Variants in DENND1B observed in about 807,000 individuals in gnomAD.
DENND1B encodes DENN domain-containing protein 1B.
Under a neutral mutation model 90.1 loss-of-function variants are expected in DENND1B, and 59 were observed. That is an observed-to-expected ratio of 0.65 (90% CI 0.53 to 0.81). The LOEUF (loss-of-function observed/expected upper bound fraction) is 0.81, where lower values mean the gene tolerates loss of function less well. Ranked by LOEUF, DENND1B falls within the 40% of genes least tolerant of loss-of-function variation. The pLI, the probability that DENND1B is intolerant of heterozygous loss-of-function variation, is 0.00. For synonymous variants in DENND1B, 337 were observed against 324.6 expected, an observed-to-expected ratio of 1.04 and a Z score of -0.41; for missense variants, 862 against 912.6, an observed-to-expected ratio of 0.94 and a Z score of 0.71.
intron 10 of DENND1B, among the ~76,000 whole-genome samples, chr1:197,638,102 A>C (rs920915319): frequency 6.6e-6 from 1 of 152,208 alleles, no homozygotes; most frequent in South Asian, 2.1e-4. Flanking sequence ...AGAGATCGAA[A>C]GATTTCTTTT....
At chr1:197,780,539 C>T (rs1747813), upstream of DENND1B, among the ~76,000 whole-genome samples, 129,616 of 151,828 alleles carry the variant, frequency 0.85, 55,728 homozygotes, top group African/African-American at 0.96. Context: ...TTGGTCAGGA[C>T]GGTCTCCATC....
chr1:197,721,065 ATTTTTTT>A (rs11371047), intron 2 of DENND1B, among the ~76,000 whole-genome samples: 3 of 98,970 alleles, frequency 3.0e-5, no homozygotes, highest in African/African-American at 4.1e-5. Context: ...GAGAAACGGC[ATTTTTTT>A]TTTTTTTTTT....
intron 2 of DENND1B, among the ~76,000 whole-genome samples, chr1:197,742,525 C>T (rs1056915609): frequency 6.6e-6 from 1 of 152,220 alleles, no homozygotes; most frequent in Admixed American, 6.5e-5. Context: ...CAGGCACAAA[C>T]CAGCTGGCCC....
chr1:197,681,023 T>G (rs1175786300), intron 3 of DENND1B, among the ~76,000 whole-genome samples: 2 of 152,184 alleles, frequency 1.3e-5, no homozygotes, highest in African/African-American at 4.8e-5. Context: ...ATAACTCTTG[T>G]TATATGAATT....
chr1:197,778,126 A>C (rs918974852), upstream of DENND1B, among the ~76,000 whole-genome samples: 7 of 152,330 alleles, frequency 4.6e-5, no homozygotes, highest in South Asian at 6.2e-4. Flanking sequence ...TATCTACCTA[A>C]TAAATACAAC....
At chr1:197,567,170 G>C (rs931314962) in intron 15 of DENND1B, among the ~76,000 whole-genome samples, 2 of 152,038 alleles carry the variant, frequency 1.3e-5, no homozygotes, top group Non-Finnish European at 2.9e-5. Context: ...AATTGGAAAT[G>C]GAAGAGGACA....
intron 2 of DENND1B, among the ~76,000 whole-genome samples, chr1:197,767,756 A>G (rs1655873807): frequency 1.3e-5 from 2 of 152,010 alleles, no homozygotes; most frequent in African/African-American, 4.8e-5. Context: ...CAAAGAAAAA[A>G]CTCAGTAATT....
chr1:197,669,235 T>C (rs990750680), intron 5 of DENND1B, among the ~76,000 whole-genome samples: 14 of 152,138 alleles, frequency 9.2e-5, no homozygotes, highest in Non-Finnish European at 1.8e-4. Context: ...AGGGATTCCA[T>C]GTATACTCTC....
chr1:197,726,771 A>G (rs1195051423), intron 2 of DENND1B, among the ~76,000 whole-genome samples: 1 of 152,160 alleles, frequency 6.6e-6, no homozygotes, highest in Non-Finnish European at 1.5e-5. Flanking sequence ...ATCAAGCTGG[A>G]AAAAAACTGA....
intron 7 of DENND1B, among the ~76,000 whole-genome samples, chr1:197,648,910 A>G (rs1652786444): frequency 6.6e-6 from 1 of 152,222 alleles, no homozygotes; most frequent in African/African-American, 2.4e-5. Flanking sequence ...TTTGGGTTAA[A>G]AATTCCAGGT....
intron 2 of DENND1B, among the ~76,000 whole-genome samples, chr1:197,740,981 G>C (rs1663157508): frequency 6.6e-6 from 1 of 152,064 alleles, no homozygotes; most frequent in African/African-American, 2.4e-5. Flanking sequence ...AAATTTAGTA[G>C]ATCAAAAGAT....
chr1:197,660,156 A>C (rs2125957947), intron 5 of DENND1B, among the ~76,000 whole-genome samples: 1 of 152,054 alleles, frequency 6.6e-6, no homozygotes, highest in South Asian at 2.1e-4. Flanking sequence ...GTCAATAGAA[A>C]GTTTAGATGA....
intron 14 of DENND1B, among the ~76,000 whole-genome samples, chr1:197,586,646 T>C (rs371634871): frequency 1.3e-5 from 2 of 152,212 alleles, no homozygotes; most frequent in East Asian, 3.9e-4. Context: ...AAAATCAATT[T>C]TGGCATATGT....
At chr1:197,717,073 C>G (rs190164430) in intron 2 of DENND1B, among the ~76,000 whole-genome samples, 1 of 151,720 alleles carries the variant, frequency 6.6e-6, no homozygotes, top group Non-Finnish European at 1.5e-5. Context: ...CCCTTCAGCA[C>G]GCAAAAAATT....
intron 3 of DENND1B, chr1:197,685,607 C>G (rs1572325430): frequency 6.6e-6 from 1 of 152,192 alleles, no homozygotes; most frequent in South Asian, 2.1e-4. Context: ...CAAAAATGCA[C>G]ATGCCCATTA....
rs1468063147 is a variant in DENND1B at position 197,686,982 on chromosome 1, A to G, written c.127-12813T>C. On this transcript the variant is annotated intron_variant, in intron 3 of 22. Coordinates refer to ENST00000620048, the MANE Select transcript of DENND1B (RefSeq NM_001195215.2). The stretch of plus-strand genomic sequence containing the variant: ...TTTCCTCTCTTTGCTTCAATTTCCT[A>G]TTCTGTGAAATAAAAGAGCTGTATT... Among the ~76,000 whole-genome samples, 3 of 152,178 alleles carry G rather than the reference A, an allele frequency of 2.0e-5. No homozygotes were observed. The South Asian group carries it at 6.2e-4, about 32-fold the overall frequency.
At chr1:197,779,194 G>C (rs1657371762), upstream of DENND1B, among the ~76,000 whole-genome samples, 1 of 152,050 alleles carries the variant, frequency 6.6e-6, no homozygotes, top group South Asian at 2.1e-4. Context: ...TATTTTCACT[G>C]ATGAAGAATT....
intron 3 of DENND1B, among the ~76,000 whole-genome samples, chr1:197,701,887 T>A (rs1659066978): frequency 6.6e-6 from 1 of 152,196 alleles, no homozygotes; most frequent in Admixed American, 6.5e-5. Context: ...ATAGCATTAC[T>A]TTTATAATTC....
In DENND1B at chr1:197,681,523, C is replaced by G. The variant is rs1297298056; in HGVS notation, c.127-7354G>C. Among the ~76,000 whole-genome samples the G allele has an allele frequency of 2.0e-5, 3 of 152,174 alleles. No individual in the cohort carries two copies. The East Asian group carries it at 5.8e-4, about 29-fold the overall frequency. ...TTAATCACCAACTCTACATAAGGCA[C>G]TGGCCAGTTTGAGAAACAGAAGTAT... On this transcript the variant is annotated intron_variant, in intron 3 of 22. Coordinates refer to ENST00000620048, the MANE Select transcript of DENND1B (RefSeq NM_001195215.2).
Sources: allele counts gnomAD v4.1 joint callset (sites outside exome capture counted in the v4.1 genomes callset), GRCh38; gene constraint gnomAD v4.1.1; transcripts MANE v1.5; gene names NCBI Gene and HGNC (gene_info 2026-07-23, HGNC 2026-07-21).